The following PTPRC variants were observed in gnomAD, a reference collection of about 807,000 sequenced individuals.
PTPRC encodes the protein receptor-type tyrosine-protein phosphatase C.
In PTPRC, 44 loss-of-function variants were observed where a neutral mutation model predicts 155.9. The observed-to-expected ratio is 0.28, with a 90% CI of 0.22 to 0.36. The LOEUF (loss-of-function observed/expected upper bound fraction) is 0.36. Among genes scored for constraint, PTPRC ranks in the 10% least tolerant of loss-of-function variants. PTPRC has a pLI of 1.00. For missense variants in PTPRC, 1,401 were observed against 1,564.6 expected, an observed-to-expected ratio of 0.90 and a Z score of 1.76; for synonymous variants, 525 against 533.1, an observed-to-expected ratio of 0.98 and a Z score of 0.21.
intron 2 of PTPRC, among the ~76,000 whole-genome samples, chr1:198,654,771 A>G (rs887653689): frequency 6.6e-6 from 1 of 151,892 alleles, no homozygotes; most frequent in Non-Finnish European, 1.5e-5. Flanking sequence ...AAATATGTAT[A>G]ACCATAATAT....
intron 14 of PTPRC, among the ~76,000 whole-genome samples, chr1:198,719,067 T>G (rs1046783621): frequency 2.6e-5 from 4 of 152,184 alleles, no homozygotes; most frequent in African/African-American, 9.7e-5. Flanking sequence ...TTTGAATGTC[T>G]TTAATAATTT....
At chr1:198,750,774 C>T (rs1655346471) in intron 29 of PTPRC, 148 bp downstream of exon 29, 1 of 1,029,774 alleles carries the variant, frequency 9.7e-7, no homozygotes, top group Non-Finnish European at 1.5e-6. Context: ...CCCTTTCACC[C>T]TGGTGTTGGC....
In PTPRC at chr1:198,744,165, C is replaced by G. The variant is rs1356591636; in HGVS notation, c.2809C>G (p.Pro937Ala). 6.2e-7 allele frequency: 1 copy of G among 1,606,858 alleles called. No homozygotes were observed. The highest frequency in any genetic ancestry group is 2.2e-5 in the East Asian group (1 of 44,532). The change falls in exon 26 of 33, where the codon CCA (proline) becomes GCA (alanine). Residue 937 changes from proline to alanine, a missense_variant. Transcript: ENST00000442510. ...TCTACATAACATGAAGAAAAGGGATCCACCCAGTGAGCCGTCTCCACTAGA... is the reference window on the plus strand; with the variant it reads ...TCTACATAACATGAAGAAAAGGGATGCACCCAGTGAGCCGTCTCCACTAGA... ...PYLHNMKKRD[P>A]PSEPSPLEAE...
chr1:198,749,477 T>C lies in PTPRC; in HGVS notation c.3000T>C (p.Asp1000=). The change falls in exon 28 of 33, where the codon GAT becomes GAC. Residue 1000 remains aspartate, a synonymous_variant. Coordinates refer to ENST00000442510, the MANE Select transcript of PTPRC (RefSeq NM_002838.5). ...ELEMSKESEH[D]SDESSDDDSD... ...AAATGAGTAAAGAGAGTGAGCATGA[T>C]TCAGATGAATCCTCTGATGATGACA... 6.2e-7 allele frequency: 1 copy of C among 1,608,694 alleles called. No homozygotes were observed. The highest frequency in any genetic ancestry group is 8.5e-7 in the Non-Finnish European group (1 of 1,176,046).
At chr1:198,731,127 T>C (rs2102481194) in intron 17 of PTPRC, among the ~76,000 whole-genome samples, 1 of 152,214 alleles carries the variant, frequency 6.6e-6, no homozygotes, top group Non-Finnish European at 1.5e-5. Flanking sequence ...TTAATACAAC[T>C]TGTTTCACCA....
At chr1:198,749,275 T>C in intron 27 of PTPRC, 141 bp from the exon 28 acceptor site, 2 of 815,724 alleles carry the variant, frequency 2.5e-6, no homozygotes, top group South Asian at 1.7e-5. Flanking sequence ...CTGAATTTTA[T>C]ATAGGATCTT....
At chr1:198,698,643 A>G (rs1666322155) in intron 4 of PTPRC, among the ~76,000 whole-genome samples, 1 of 151,998 alleles carries the variant, frequency 6.6e-6, no homozygotes, top group Admixed American at 6.6e-5. Context: ...TTTTATAAAG[A>G]TAGTTTATGA....
intron 4 of PTPRC, among the ~76,000 whole-genome samples, chr1:198,697,613 T>C (rs1279974785): frequency 6.6e-6 from 1 of 152,222 alleles, no homozygotes; most frequent in African/African-American, 2.4e-5. Flanking sequence ...GGTCTGCCAG[T>C]GTATTCAGAC....
rs373700118 is a variant in PTPRC at position 198,659,546 on chromosome 1, T to TA, written c.73+20205_73+20206insA. 9.0e-3 allele frequency among the ~76,000 whole-genome samples: 1,262 copies of TA among 139,994 alleles called. 9 individuals are homozygous for TA. The highest frequency in any genetic ancestry group is 0.026 in the African/African-American group (884 of 34,122). The allele number at this position is 139,994 out of a possible 152,430, so 91.8% of individuals were successfully genotyped here. A position where few individuals can be genotyped will look rare whatever the true frequency, so the allele number is the denominator to read the frequency against. On this transcript the variant is annotated intron_variant, in intron 2 of 32. Transcript: ENST00000442510. ...CATGGCTTTGAAGAATACATATATATTTTTTTTTTTGCTTTTTTTTTTTCA... is the reference window on the plus strand; with the variant it reads ...CATGGCTTTGAAGAATACATATATATATTTTTTTTTTGCTTTTTTTTTTTCA...
At chr1:198,665,422 A>G (rs933415294) in intron 2 of PTPRC, among the ~76,000 whole-genome samples, 2 of 152,070 alleles carry the variant, frequency 1.3e-5, no homozygotes, top group Admixed American at 6.5e-5. Flanking sequence ...CAAAGTCAAG[A>G]AGTCATTATT....
At chr1:198,731,270 A>G (rs1177845634) in intron 17 of PTPRC, among the ~76,000 whole-genome samples, 1 of 152,022 alleles carries the variant, frequency 6.6e-6, no homozygotes, top group African/African-American at 2.4e-5. Context: ...ATAATATTGT[A>G]TTATAAATAA....
intron 26 of PTPRC, among the ~76,000 whole-genome samples, chr1:198,746,142 A>T (rs945000429): frequency 6.6e-6 from 1 of 151,822 alleles, no homozygotes; most frequent in Non-Finnish European, 1.5e-5. Flanking sequence ...ATGATGACAG[A>T]CCTTGGAAAG....
chr1:198,709,767 C>T lies in PTPRC; in HGVS notation c.1114C>T (p.Leu372Phe). 1 of 1,611,948 alleles carries T rather than the reference C, an allele frequency of 6.2e-7. No homozygotes were observed. The highest frequency in any genetic ancestry group is 8.5e-7 in the Non-Finnish European group (1 of 1,179,032). Residue 372 changes from leucine (L) to phenylalanine (F), a missense_variant, in exon 11 of 33, where the codon CTC becomes TTC. By Grantham distance (22) the Leu-to-Phe change is conservative. Around this residue, in one of 3 missense-constraint regions of PTPRC, gnomAD observed 867 missense variants for 970.4 expected, o/e 0.89. Coordinates refer to ENST00000442510, the MANE Select transcript of PTPRC (RefSeq NM_002838.5). The part of the protein sequence containing the change: ...EHEYKCDSEI[L>F]YNNHKFTNAS... The stretch of plus-strand genomic sequence containing the variant: ...TGAGTATAAGTGTGACTCAGAAATA[C>T]TCTATAATAACCACAAGTTTACTAA...
At chr1:198,671,037 C>T (rs1230789150) in intron 2 of PTPRC, among the ~76,000 whole-genome samples, 2 of 151,848 alleles carry the variant, frequency 1.3e-5, no homozygotes, top group Non-Finnish European at 2.9e-5. Flanking sequence ...ATAGTGTATA[C>T]ATATATCAAA....
chr1:198,712,699 A>G (rs1653373041), intron 11 of PTPRC: 6 of 475,928 alleles, frequency 1.3e-5, no homozygotes. Context: ...ATATGAAAGG[A>G]AGAGGGGGTT....
intron 28 of PTPRC, among the ~76,000 whole-genome samples, chr1:198,749,880 T>C (rs1363462537): frequency 1.3e-5 from 2 of 151,842 alleles, no homozygotes; most frequent in South Asian, 2.1e-4. Flanking sequence ...GATACCCAAA[T>C]TGTAGGCAAT....
At chr1:198,734,104 A>G (rs2102490042) in intron 20 of PTPRC, 92 bp from the exon 21 acceptor site, 1 of 1,200,100 alleles carries the variant, frequency 8.3e-7, no homozygotes, top group Non-Finnish European at 1.2e-6. Context: ...AAAATGATGG[A>G]TCTGAAGCAA....
chr1:198,749,297 A>C (rs368745701), intron 27 of PTPRC, 119 bp from the exon 28 acceptor site: 8 of 978,814 alleles, frequency 8.2e-6, no homozygotes, highest in Non-Finnish European at 1.1e-5. Context: ...TTTCATGTAG[A>C]TCAGTAAGTT....
chr1:198,695,019 C>A, intron 3 of PTPRC: 3 of 952,260 alleles, frequency 3.2e-6, no homozygotes, highest in Non-Finnish European at 2.5e-6. Flanking sequence ...ACACACATAA[C>A]AAGTCTATGA....
Sources: allele counts gnomAD v4.1 joint callset (sites outside exome capture counted in the v4.1 genomes callset), GRCh38; gene constraint gnomAD v4.1.1; regional missense constraint gnomAD v4.1.1; transcripts MANE v1.5; gene names NCBI Gene and HGNC (gene_info 2026-07-23, HGNC 2026-07-21).